Variants in GLIS3 observed in about 807,000 individuals in gnomAD.
The protein encoded by GLIS3 is GLIS family zinc finger 3.
Under a neutral mutation model 78.6 loss-of-function variants are expected in GLIS3, and 53 were observed. The observed-to-expected ratio is 0.67, with a 90% CI of 0.54 to 0.85. The LOEUF is 0.85. Ranked by LOEUF, GLIS3 falls within the 40% of genes least tolerant of loss-of-function variation. The pLI, the probability that GLIS3 is intolerant of heterozygous loss-of-function variation, is 0.00. For synonymous variants in GLIS3, 684 were observed against 509.9 expected (o/e 1.34, Z -4.60); for missense variants, 1,703 against 1,231.1 (o/e 1.38, Z -5.74).
In GLIS3 at chr9:4,342,655, G is replaced by A. The variant is rs920862089; in HGVS notation, n.264+4426C>T. Among the ~76,000 whole-genome samples the A allele has an allele frequency of 3.3e-5, 5 of 152,274 alleles. No individual in the cohort carries two copies. In the East Asian group the frequency reaches 9.6e-4, roughly 29 times the overall value. On this transcript the variant is annotated intron_variant and non_coding_transcript_variant, in intron 2 of 4. Transcript: ENST00000471664. The stretch of plus-strand genomic sequence containing the variant: ...GAAGAATGTCATTGGTGGTTTAATA[G>A]GAATAGCATTAAATCTGTAAATTGC...
At chr9:4,235,290 C>T (rs1225545437) in intron 2 of GLIS3, among the ~76,000 whole-genome samples, 2 of 87,354 alleles carry the variant, frequency 2.3e-5, no homozygotes, top group Non-Finnish European at 4.1e-5. Context: ...CACAGTGAGA[C>T]TCTGTCTCAA....
At chr9:3,971,506 G>T (rs148957005) in intron 4 of GLIS3, among the ~76,000 whole-genome samples, 96 of 152,256 alleles carry the variant, frequency 6.3e-4, no homozygotes, top group Non-Finnish European at 1.1e-3. Flanking sequence ...TTTGTGAGAA[G>T]AAGAGAGAAA....
rs1355311189 is a variant in GLIS3, at chr9:4,299,740, CAAAT to C, written c.-422_-419del. 1 of 152,352 alleles carries C rather than the reference CAAAT, an allele frequency of 6.6e-6. No homozygotes were observed. The highest frequency in any genetic ancestry group is 1.5e-5 in the Non-Finnish European group (1 of 68,116). The allele number at this position is 152,352 out of a possible 1,614,324, so 9.4% of individuals were successfully genotyped here. A position where few individuals can be genotyped will look rare whatever the true frequency, so the allele number is the denominator to read the frequency against. On this transcript the variant is annotated 5_prime_UTR_variant, in exon 1 of 11. Coordinates refer to ENST00000381971, the MANE Select transcript of GLIS3 (RefSeq NM_001042413.2). ...CTCCCCTGCTACACACATACACACA[CAAAT>C]AATGTTTCTAAAAAGTTCAGTTGCG...
chr9:3,905,915 A>G (rs1823664541), intron 6 of GLIS3, among the ~76,000 whole-genome samples: 1 of 151,970 alleles, frequency 6.6e-6, no homozygotes, highest in Admixed American at 6.6e-5. Context: ...CTCTATCTAC[A>G]TGCTCCCCAC....
chr9:4,001,710 T>C (rs1212070135), intron 4 of GLIS3, among the ~76,000 whole-genome samples: 2 of 152,220 alleles, frequency 1.3e-5, no homozygotes, highest in African/African-American at 4.8e-5. Flanking sequence ...CTGCCATTTA[T>C]GAATATGACA....
At chr9:4,434,396 C>T in the GLIS3 span, among the ~76,000 whole-genome samples, 1 of 152,056 alleles carries the variant, frequency 6.6e-6, no homozygotes, top group Non-Finnish European at 1.5e-5. Context: ...AGAAAAGAAG[C>T]ACCTAAAACT....
At chr9:4,068,812 G>GCGTA (rs1358176044) in intron 4 of GLIS3, among the ~76,000 whole-genome samples, 1 of 144,726 alleles carries the variant, frequency 6.9e-6, no homozygotes, top group Admixed American at 7.1e-5. Context: ...TATTTTTTGT[G>GCGTA]CATGCATGCA....
intron 2 of GLIS3, among the ~76,000 whole-genome samples, chr9:4,340,218 A>T (rs1817814992): frequency 6.6e-6 from 1 of 151,294 alleles, no homozygotes; most frequent in African/African-American, 2.4e-5. Context: ...CAGAGTTAGT[A>T]TGTATTTTTT....
chr9:4,073,430 G>C (rs1287836386), intron 4 of GLIS3, among the ~76,000 whole-genome samples: 1 of 152,178 alleles, frequency 6.6e-6, no homozygotes. Flanking sequence ...TCATTCTAAA[G>C]CATTCATGGG....
chr9:4,026,132 C>T, intron 4 of GLIS3, among the ~76,000 whole-genome samples: 1 of 152,172 alleles, frequency 6.6e-6, no homozygotes, highest in East Asian at 1.9e-4. Context: ...AGGCTTTCTT[C>T]CAACATCAAG....
At chr9:4,277,103 G>T (rs977028948) in intron 2 of GLIS3, among the ~76,000 whole-genome samples, 1 of 152,064 alleles carries the variant, frequency 6.6e-6, no homozygotes, top group Non-Finnish European at 1.5e-5. Flanking sequence ...CAAAATTGCG[G>T]GACCCCAATC....
intron 4 of GLIS3, among the ~76,000 whole-genome samples, chr9:4,023,712 A>C (rs1373041625): frequency 6.6e-6 from 1 of 152,234 alleles, no homozygotes; most frequent in Non-Finnish European, 1.5e-5. Flanking sequence ...AAGAGGTCAG[A>C]GACCAGCAAG....
chr9:3,903,066 T>C (rs564562854), intron 6 of GLIS3, among the ~76,000 whole-genome samples: 4 of 152,316 alleles, frequency 2.6e-5, no homozygotes, highest in Admixed American at 2.6e-4. Flanking sequence ...CTTGTTGTCA[T>C]CATAAAATAT....
At chr9:4,489,780 C>T in the GLIS3 span, among the ~76,000 whole-genome samples, 9 of 152,296 alleles carry the variant, frequency 5.9e-5, no homozygotes, top group African/African-American at 2.2e-4. Flanking sequence ...GAGCAAGTCC[C>T]AAGGAGCAGA....
chr9:4,338,694 G>T (rs1371222459), intron 2 of GLIS3, among the ~76,000 whole-genome samples: 1 of 152,204 alleles, frequency 6.6e-6, no homozygotes, highest in Admixed American at 6.5e-5. Context: ...AATAGTGTAA[G>T]TACTGGAGAT....
intron 6 of GLIS3, among the ~76,000 whole-genome samples, chr9:3,919,985 C>G (rs1217234792): frequency 6.7e-6 from 1 of 149,584 alleles, no homozygotes; most frequent in East Asian, 2.0e-4. Flanking sequence ...TAATGGCATC[C>G]ATTATGCTAT....
intron 2 of GLIS3, among the ~76,000 whole-genome samples, chr9:4,282,151 G>A (rs1461600308): frequency 6.6e-5 from 10 of 152,228 alleles, no homozygotes; most frequent in East Asian, 3.9e-4. Context: ...ACAGCTCTAC[G>A]CTTCCCTAAG....
chr9:4,250,402 G>A (rs199809289), intron 2 of GLIS3, among the ~76,000 whole-genome samples: 1 of 152,114 alleles, frequency 6.6e-6, no homozygotes, highest in South Asian at 2.1e-4. Flanking sequence ...TTTATTTGCA[G>A]AGAGGTGTTT....
chr9:4,160,587 T>C (rs1835395929), intron 2 of GLIS3, among the ~76,000 whole-genome samples: 1 of 152,200 alleles, frequency 6.6e-6, no homozygotes, highest in Non-Finnish European at 1.5e-5. Context: ...ACCAAATGAG[T>C]CCACGTTAAC....
Sources: allele counts gnomAD v4.1 joint callset (sites outside exome capture counted in the v4.1 genomes callset), GRCh38; gene constraint gnomAD v4.1.1; transcripts MANE v1.5; gene names NCBI Gene and HGNC (gene_info 2026-07-23, HGNC 2026-07-21).